MAPKAPK5: variants seen among roughly 807,000 people sequenced by gnomAD.
MAPKAPK5 encodes the protein MAP kinase-activated protein kinase 5.
MAPKAPK5 carries 30 observed loss-of-function variants against 65.1 expected under a neutral mutation model. The observed-to-expected ratio is 0.46, with a 90% confidence interval of 0.34 to 0.63. The LOEUF is 0.63. Among genes scored for constraint, MAPKAPK5 ranks in the 20% least tolerant of loss-of-function variants. The probability of loss-of-function intolerance (pLI) is 0.01; values close to 1 mark genes in which losing one functional copy is unlikely to be tolerated. For missense variants in MAPKAPK5, 433 were observed against 581.4 expected (o/e 0.74, Z 2.63); for synonymous variants, 179 against 204.6 (o/e 0.87, Z 1.07).
At chr12:111,862,803 C>G (rs2069485198) in intron 1 of MAPKAPK5, among the ~76,000 whole-genome samples, 1 of 152,164 alleles carries the variant, frequency 6.6e-6, no homozygotes, top group East Asian at 1.9e-4. Context: ...TAGAACAAAT[C>G]TTATTTTCCA....
Position 111,888,634 on chromosome 12 carries a change from T to C in MAPKAPK5, c.1100+16T>C. Reference sequence around the variant, plus strand: ...AGTTACTTGGGTAACTGAGCTTATTTCTTCGATTCTTCTTCATGGCTGGAA... The same window carrying C: ...AGTTACTTGGGTAACTGAGCTTATTCCTTCGATTCTTCTTCATGGCTGGAA... On this transcript the variant is annotated intron_variant, in intron 11 of 13. Transcript: ENST00000550735. 1 of 1,612,582 alleles carries C rather than the reference T, an allele frequency of 6.2e-7. No individual in the cohort carries two copies. The highest frequency in any genetic ancestry group is 8.5e-7 in the Non-Finnish European group (1 of 1,179,454).
At chr12:111,874,476 T>G (rs2069890038) in intron 7 of MAPKAPK5, among the ~76,000 whole-genome samples, 1 of 149,996 alleles carries the variant, frequency 6.7e-6, no homozygotes, top group Non-Finnish European at 1.5e-5. Context: ...TTGGGTTTTT[T>G]TTTTTTTTTT....
At chr12:111,889,519 G>A (rs534691295) in intron 12 of MAPKAPK5, 15 of 165,414 alleles carry the variant, frequency 9.1e-5, no homozygotes, top group African/African-American at 2.4e-4. Context: ...GCTTTCTTTC[G>A]TTATGTTCTC....
intron 1 of MAPKAPK5, among the ~76,000 whole-genome samples, chr12:111,856,591 G>A (rs979726329): frequency 1.3e-5 from 2 of 151,856 alleles, no homozygotes; most frequent in Admixed American, 1.3e-4. Context: ...ATTTTTAGTA[G>A]AGATGGGGTT....
In MAPKAPK5 at chr12:111,883,764, A is replaced by G. The variant is rs1398438731; in HGVS notation, c.844A>G (p.Arg282Gly). The G allele has an allele frequency of 6.2e-7, 1 of 1,613,400 alleles. No homozygotes were observed. The highest frequency in any genetic ancestry group is 1.7e-5 in the Admixed American group (1 of 59,998). The change falls in exon 9 of 14, where the codon AGG (arginine) becomes GGG (glycine). Residue 282 changes from arginine (R) to glycine (G), a missense_variant. Around this residue, in one of 3 missense-constraint regions of MAPKAPK5, gnomAD observed 99 missense variants for 185.8 expected, o/e 0.53. Transcript: ENST00000550735. The surrounding 1 kb of genome is among the most constrained non-coding windows in gnomAD (Gnocchi z 4.8). ...CTCAGAGATGGCCAAAGATGTTGTG[A>G]GGAAGTGAGTTCACGGGCTGCTGGG... ...QISEMAKDVV[R>G]KLLKVKPEER...
rs923446020 is a variant in MAPKAPK5, at chr12:111,883,105, A to G, written c.661-476A>G. 6.6e-6 allele frequency among the ~76,000 whole-genome samples: 1 copy of G among 152,058 alleles called. No homozygotes were observed. The highest frequency in any genetic ancestry group is 1.5e-5 in the Non-Finnish European group (1 of 67,990). On this transcript the variant is annotated intron_variant, in intron 8 of 13. Coordinates refer to ENST00000550735, the MANE Select transcript of MAPKAPK5 (RefSeq NM_003668.4). This position sits in a 1 kb window ranked among gnomAD's most constrained non-coding sequence, Gnocchi z 4.8. ...ATATGGAGAGAGGCCAGGTGTGGTGAGTCACGCCTGTAATCCCAGCACTTT... is the reference window on the plus strand; with the variant it reads ...ATATGGAGAGAGGCCAGGTGTGGTGGGTCACGCCTGTAATCCCAGCACTTT...
chr12:111,872,086 A>G (rs1317905079), intron 7 of MAPKAPK5, among the ~76,000 whole-genome samples: 1 of 152,166 alleles, frequency 6.6e-6, no homozygotes, highest in Non-Finnish European at 1.5e-5. Flanking sequence ...ATTCACTGAC[A>G]GGATTTTGGG....
Position 111,901,087 on chromosome 12 carries a change from C to A in MAPKAPK5, c.*8026C>A, listed in dbSNP as rs1278307955. The A allele has an allele frequency of 4.4e-6, 2 of 456,074 alleles. No homozygotes were observed. The highest frequency in any genetic ancestry group is 3.1e-5 in the South Asian group (2 of 64,560). The allele number at this position is 456,074 out of a possible 1,614,324, so 28.3% of individuals were successfully genotyped here. A position where few individuals can be genotyped will look rare whatever the true frequency, so the allele number is the denominator to read the frequency against. Reference sequence around the variant, plus strand: ...TTACCAAAAATCAATCTCCAACATACAATGATTCAGGTCCCTCAGGGAGAT... The same window carrying A: ...TTACCAAAAATCAATCTCCAACATAAAATGATTCAGGTCCCTCAGGGAGAT... On this transcript the variant is annotated 3_prime_UTR_variant, in exon 14 of 14. Transcript: ENST00000550735.
intron 7 of MAPKAPK5, 77 bp downstream of exon 7, chr12:111,871,257 C>G: frequency 8.4e-7 from 1 of 1,184,436 alleles, no homozygotes; most frequent in Non-Finnish European, 1.2e-6. Flanking sequence ...TTCTACAGCA[C>G]AAGTAGGCAT....
At chr12:111,884,661 T>G (rs908549209) in intron 9 of MAPKAPK5, among the ~76,000 whole-genome samples, 3 of 152,204 alleles carry the variant, frequency 2.0e-5, no homozygotes, top group Non-Finnish European at 2.9e-5. Flanking sequence ...TCTGCCCACC[T>G]GTGTGGGAGG....
At position 111,892,543 on chromosome 12, in the gene MAPKAPK5, C is replaced by T. The variant is rs372828475; in HGVS notation, c.1322-424C>T. 2.0e-5 allele frequency among the ~76,000 whole-genome samples: 3 copies of T among 152,266 alleles called. No homozygotes were observed. In the East Asian group the frequency reaches 5.8e-4, roughly 29 times the overall value. On this transcript the variant is annotated intron_variant, in intron 13 of 13. Coordinates refer to ENST00000550735, the MANE Select transcript of MAPKAPK5 (RefSeq NM_003668.4). ...ATTACCCTTAAATGTACCCTTAAAACGTACTGATATACATTTTAAATGTTT... is the reference window on the plus strand; with the variant it reads ...ATTACCCTTAAATGTACCCTTAAAATGTACTGATATACATTTTAAATGTTT...
At position 111,880,477 on chromosome 12, in the gene MAPKAPK5, G is replaced by A; in HGVS notation, c.610G>A (p.Glu204Lys). ...VLEAQRRHQK[E>K]KSGIIPTSPT... ...GGAGGCGCAAAGAAGGCATCAGAAG[G>A]AGAAATCTGGCATCATACCTACCTC... is the stretch of plus-strand genomic sequence containing the variant. The change falls in exon 8 of 14, where the codon GAG becomes AAG. Residue 204 changes from glutamate (E) to lysine (K), a missense_variant. Transcript: ENST00000550735. The A allele has an allele frequency of 6.2e-7, 1 of 1,613,838 alleles. No individual in the cohort carries two copies. Among genetic ancestry groups the A allele is most frequent in the East Asian group, 2.2e-5 (1 of 44,872 alleles).
chr12:111,870,243 G>A (rs960161484), intron 5 of MAPKAPK5, 28 bp from the exon 6 acceptor site: 5 of 1,542,708 alleles, frequency 3.2e-6, no homozygotes, highest in African/African-American at 1.4e-5. Flanking sequence ...TTTCTAAGAA[G>A]CGACTGTTTC....
At chr12:111,886,108 AG>A in intron 10 of MAPKAPK5, 72 bp downstream of exon 10, 2 of 1,605,990 alleles carry the variant, frequency 1.2e-6, no homozygotes, top group Non-Finnish European at 1.7e-6. Context: ...TGGCTCAGTG[AG>A]GGGTTAGAGG....
chr12:111,848,121 A>T (rs1293819014), intron 1 of MAPKAPK5, among the ~76,000 whole-genome samples: 1 of 152,210 alleles, frequency 6.6e-6, no homozygotes, highest in African/African-American at 2.4e-5. Context: ...ACTGGGCAGT[A>T]TAGTAAATTT....
intron 5 of MAPKAPK5, 79 bp from the exon 6 acceptor site, chr12:111,870,192 C>A: frequency 4.5e-6 from 4 of 898,016 alleles, no homozygotes; most frequent in Non-Finnish European, 6.7e-6. Context: ...TGTTTTTTGA[C>A]ATCCTGAGTT....
intron 1 of MAPKAPK5, 106 bp downstream of exon 1, chr12:111,842,875 C>T (rs753629046): frequency 8.8e-6 from 10 of 1,136,280 alleles, no homozygotes; most frequent in Non-Finnish European, 1.1e-5. Flanking sequence ...CCATCGACTA[C>T]CGGGTTTCGG....
chr12:111,876,020 A>G (rs1024133244), intron 7 of MAPKAPK5, among the ~76,000 whole-genome samples: 2 of 151,930 alleles, frequency 1.3e-5, no homozygotes, highest in African/African-American at 4.8e-5. Context: ...AGCCTGGTGA[A>G]CATGGTGAAA....
At chr12:111,859,830 G>A (rs1279557966) in intron 1 of MAPKAPK5, among the ~76,000 whole-genome samples, 1 of 151,886 alleles carries the variant, frequency 6.6e-6, no homozygotes, top group Non-Finnish European at 1.5e-5. Context: ...TGTAATTTTA[G>A]TAGAGACGGG....
Sources: allele counts gnomAD v4.1 joint callset (sites outside exome capture counted in the v4.1 genomes callset), GRCh38; gene constraint gnomAD v4.1.1; regional missense constraint gnomAD v4.1.1; non-coding constraint Gnocchi (gnomAD v3.1); transcripts MANE v1.5; gene names NCBI Gene and HGNC (gene_info 2026-07-23, HGNC 2026-07-21).